Variants in SYN2 observed in about 807,000 individuals in gnomAD.
The protein encoded by SYN2 is synapsin II.
A neutral mutation model predicts 50.9 loss-of-function variants in SYN2; 19 were observed. The observed-to-expected ratio is 0.37, with a 90% confidence interval of 0.26 to 0.55. The LOEUF (loss-of-function observed/expected upper bound fraction) is 0.55. SYN2 is among the 20% of genes least tolerant of loss of function. The pLI is 0.81. For missense variants in SYN2, 587 were observed against 576.4 expected, an observed-to-expected ratio of 1.02 and a Z score of -0.19; for synonymous variants, 255 against 224.9, an observed-to-expected ratio of 1.13 and a Z score of -1.20.
intron 1 of SYN2, among the ~76,000 whole-genome samples, chr3:12,075,344 T>A (rs1695446159): frequency 1.3e-5 from 2 of 152,152 alleles, no homozygotes; most frequent in Admixed American, 1.3e-4. Flanking sequence ...GAATTGAGAT[T>A]ACAGGGAAAA....
chr3:12,064,540 A>G (rs1222182289), intron 1 of SYN2, among the ~76,000 whole-genome samples: 1 of 152,128 alleles, frequency 6.6e-6, no homozygotes, highest in Non-Finnish European at 1.5e-5. Flanking sequence ...AACAATAAAG[A>G]GACAACCCAT....
chr3:12,166,461 C>A lies in SYN2; in HGVS notation c.981-773C>A, dbSNP rs546769204. ...TGAAGGTCACCCAGCCCATCAAGAG[C>A]AAATCCAGAACCAGAAACCAAGTAA... is the stretch of plus-strand genomic sequence containing the variant. On this transcript the variant is annotated intron_variant, in intron 7 of 12. Coordinates refer to ENST00000621198, the MANE Select transcript of SYN2 (RefSeq NM_133625.6). Among the ~76,000 whole-genome samples the A allele has an allele frequency of 5.9e-5, 9 of 152,322 alleles. 1 individual carries two copies. The South Asian group carries it at 1.9e-3, about 32-fold the overall frequency.
intron 5 of SYN2, among the ~76,000 whole-genome samples, chr3:12,157,977 TTGA>T (rs1697507730): frequency 6.6e-6 from 1 of 152,246 alleles, no homozygotes; most frequent in Admixed American, 6.5e-5. Context: ...CCAAAAACTG[TTGA>T]TGATGTTCTT....
intron 1 of SYN2, among the ~76,000 whole-genome samples, chr3:12,120,543 TCCTGTC>T (rs1229596786): frequency 2.0e-5 from 3 of 152,200 alleles, no homozygotes; most frequent in Non-Finnish European, 4.4e-5. Context: ...CACAGATGTT[TCCTGTC>T]CCTTAGCCAG....
chr3:12,146,963 G>C (rs1292654843), intron 4 of SYN2, among the ~76,000 whole-genome samples: 1 of 152,140 alleles, frequency 6.6e-6, no homozygotes, highest in African/African-American at 2.4e-5. Context: ...GACAAGCCAT[G>C]GGTGGAAAGT....
At chr3:12,117,303 G>A (rs902608292) in intron 1 of SYN2, among the ~76,000 whole-genome samples, 10 of 152,132 alleles carry the variant, frequency 6.6e-5, no homozygotes, top group African/African-American at 2.4e-4. Context: ...AAACAACAAG[G>A]CACTTTCTTC....
At chr3:12,123,735 C>T (rs1696608841) in intron 1 of SYN2, among the ~76,000 whole-genome samples, 1 of 152,102 alleles carries the variant, frequency 6.6e-6, no homozygotes, top group Non-Finnish European at 1.5e-5. Context: ...ATAGCTTGAG[C>T]TCAGGAGTTT....
intron 1 of SYN2, among the ~76,000 whole-genome samples, chr3:12,056,505 G>A (rs77867338): frequency 0.13 from 19,444 of 151,906 alleles, 1,617 homozygotes; most frequent in Middle Eastern, 0.19. Context: ...TCTGTTGTAT[G>A]AACAAGAGCA....
chr3:12,037,893 CATGTT>C (rs1226464809), intron 1 of SYN2, among the ~76,000 whole-genome samples: 1 of 152,140 alleles, frequency 6.6e-6, no homozygotes, highest in African/African-American at 2.4e-5. Context: ...CTTTGGAGCA[CATGTT>C]TTTAATTTTG....
chr3:12,139,711 A>G (rs1696973336), intron 1 of SYN2, among the ~76,000 whole-genome samples: 1 of 152,192 alleles, frequency 6.6e-6, no homozygotes, highest in Non-Finnish European at 1.5e-5. Context: ...AAAATCTCCA[A>G]TGAAATATTA....
At chr3:12,043,153 G>A (rs1694657905) in intron 1 of SYN2, among the ~76,000 whole-genome samples, 1 of 151,852 alleles carries the variant, frequency 6.6e-6, no homozygotes, top group African/African-American at 2.4e-5. Context: ...CTCCCAAGTA[G>A]GTGGGACTAC....
chr3:12,005,166 C>A (rs982760675), intron 1 of SYN2, among the ~76,000 whole-genome samples: 5 of 152,138 alleles, frequency 3.3e-5, no homozygotes, highest in Non-Finnish European at 7.3e-5. Context: ...CCCCAGGTCC[C>A]CCAGGTCCCA....
rs1460356797 is a variant in SYN2, at chr3:12,097,518, A to G, written c.378-43133A>G. On this transcript the variant is annotated intron_variant, in intron 1 of 12. Coordinates refer to ENST00000621198, the MANE Select transcript of SYN2 (RefSeq NM_133625.6). Reference sequence around the variant, plus strand: ...CTACTCGGGAGGCTGAGGCAGGAGAATGGTGTGAACCCACAAGGCGGAGCT... The same window carrying G: ...CTACTCGGGAGGCTGAGGCAGGAGAGTGGTGTGAACCCACAAGGCGGAGCT... Among the ~76,000 whole-genome samples the G allele has an allele frequency of 2.6e-5, 4 of 151,970 alleles. No individual in the cohort carries two copies. In the East Asian group the frequency reaches 7.7e-4, roughly 29 times the overall value.
intron 1 of SYN2, among the ~76,000 whole-genome samples, chr3:12,137,465 TATTC>T (rs1168302823): frequency 1.7e-4 from 26 of 152,334 alleles, no homozygotes; most frequent in Admixed American, 1.6e-3. Flanking sequence ...TGTCATAAAT[TATTC>T]ATCCTGTGGA....
intron 1 of SYN2, among the ~76,000 whole-genome samples, chr3:12,005,575 A>T (rs1693783487): frequency 7.3e-6 from 1 of 136,376 alleles, no homozygotes; most frequent in Admixed American, 7.3e-5. Flanking sequence ...GACGTGTGGA[A>T]TTTTTTTTTT....
Position 12,019,069 on chromosome 3 carries a change from T to C in SYN2, c.377+14141T>C, listed in dbSNP as rs111569484. ...CTCTTATTCTCTGTCTGTGGACATA[T>C]ATCTTATGACCTGGGACTCATTCCA... On this transcript the variant is annotated intron_variant, in intron 1 of 12. Coordinates refer to ENST00000621198, the MANE Select transcript of SYN2 (RefSeq NM_133625.6). Among the ~76,000 whole-genome samples, 35 of 152,228 alleles carry C rather than the reference T, an allele frequency of 2.3e-4. 1 individual carries two copies. Among genetic ancestry groups the C allele is most frequent in the Non-Finnish European group, 4.9e-4 (33 of 68,026 alleles).
intron 3 of SYN2, among the ~76,000 whole-genome samples, chr3:12,144,263 C>T (rs926523496): frequency 1.3e-5 from 2 of 152,216 alleles, no homozygotes; most frequent in Middle Eastern, 3.2e-3. Context: ...CTTCCTGTAG[C>T]CATTGCTCAA....
At chr3:12,039,917 T>A (rs958749601) in intron 1 of SYN2, among the ~76,000 whole-genome samples, 1 of 152,224 alleles carries the variant, frequency 6.6e-6, no homozygotes, top group African/African-American at 2.4e-5. Context: ...TAGTCTAGTA[T>A]GAATGAAATG....
chr3:12,132,688 G>A (rs1696820572), intron 1 of SYN2, among the ~76,000 whole-genome samples: 1 of 152,162 alleles, frequency 6.6e-6, no homozygotes, highest in African/African-American at 2.4e-5. Flanking sequence ...CAGATAAGTG[G>A]ACCTAATATG....
Sources: gnomAD v4.1 joint callset for allele counts (sites outside exome capture counted in the v4.1 genomes callset) on GRCh38, gnomAD v4.1.1 for gene constraint, MANE v1.5 for transcripts, NCBI Gene and HGNC (gene_info 2026-07-23, HGNC 2026-07-21) for gene names.